PRIM2: variants seen among roughly 807,000 people sequenced by gnomAD.
PRIM2 encodes DNA primase large subunit.
In PRIM2, 39 loss-of-function variants were observed where a neutral mutation model predicts 67.3. The observed-to-expected ratio is 0.58, with a 90% CI of 0.45 to 0.76. PRIM2 has a LOEUF of 0.76. Ranked by LOEUF, PRIM2 falls within the 30% of genes least tolerant of loss-of-function variation. The pLI, the probability that PRIM2 is intolerant of heterozygous loss-of-function variation, is 0.00. For missense variants in PRIM2, 398 were observed against 598.7 expected (o/e 0.66, Z 3.50); for synonymous variants, 143 against 198.7 (o/e 0.72, Z 2.36).
chr6:57,617,797 C>T (rs1404878376), intron 12 of PRIM2, among the ~76,000 whole-genome samples: 1 of 152,104 alleles, frequency 6.6e-6, no homozygotes, highest in Non-Finnish European at 1.5e-5. Context: ...CTTTTAGTGT[C>T]ATAATTATCT....
chr6:57,266,884 T>TA, the PRIM2 span, among the ~76,000 whole-genome samples: 12 of 152,150 alleles, frequency 7.9e-5, no homozygotes, highest in East Asian at 1.9e-4. Flanking sequence ...TAAAAATAGT[T>TA]AAAAAAAGTT....
At position 57,380,121 on chromosome 6, in the gene PRIM2, A is replaced by C. The variant is rs566638572; in HGVS notation, c.555+125A>C. 9 of 718,604 alleles carry C rather than the reference A, an allele frequency of 1.3e-5. No homozygotes were observed. In the South Asian group the frequency reaches 1.6e-4, roughly 13 times the overall value. The allele number at this position is 718,604 out of a possible 1,614,324, so 44.5% of individuals were successfully genotyped here. A position where few individuals can be genotyped will look rare whatever the true frequency, so the allele number is the denominator to read the frequency against. ...CACAGCTACTCTGTCTCCTGCACAG[A>C]TACTGTCCTCATTGCACTAATGGTG... On this transcript the variant is annotated intron_variant, in intron 6 of 13. Coordinates refer to ENST00000615550, the MANE Select transcript of PRIM2 (RefSeq NM_000947.5).
the PRIM2 span, among the ~76,000 whole-genome samples, chr6:57,276,137 C>A: frequency 6.6e-6 from 1 of 152,094 alleles, no homozygotes; most frequent in African/African-American, 2.4e-5. Flanking sequence ...CACCTGTAAT[C>A]CCAGCACTTT....
intron 5 of PRIM2, among the ~76,000 whole-genome samples, chr6:57,346,355 C>T (rs957299707): frequency 3.9e-5 from 6 of 151,934 alleles, no homozygotes; most frequent in South Asian, 2.1e-4. Flanking sequence ...CTCACTCTGT[C>T]GCCCAGGCTG....
At chr6:57,472,065 T>G (rs1773347792) in intron 7 of PRIM2, among the ~76,000 whole-genome samples, 1 of 152,132 alleles carries the variant, frequency 6.6e-6, no homozygotes, top group Non-Finnish European at 1.5e-5. Context: ...TTGGAGTTAT[T>G]CAGAAGTCAG....
rs554754232 is a variant in PRIM2, at chr6:57,343,580, G to A, written c.459+17535G>A. On this transcript the variant is annotated intron_variant, in intron 5 of 13. Coordinates refer to ENST00000615550, the MANE Select transcript of PRIM2 (RefSeq NM_000947.5). ...GCTAGAGAACACATGTGTTTGATAA[G>A]CCTGGAAGCTTTTCACAGGGCTTCT... Among the ~76,000 whole-genome samples the A allele has an allele frequency of 1.1e-3, 167 of 152,220 alleles. 2 individuals carry two copies. Among genetic ancestry groups the A allele is most frequent in the Middle Eastern group, 6.8e-3 (2 of 294 alleles).
At chr6:57,573,693 G>A (rs1480301833) in intron 10 of PRIM2, among the ~76,000 whole-genome samples, 3 of 152,116 alleles carry the variant, frequency 2.0e-5, no homozygotes, top group Admixed American at 1.3e-4. Context: ...AAGTATCCAG[G>A]TAAAATGATA....
chr6:57,456,889 C>G, intron 7 of PRIM2, among the ~76,000 whole-genome samples: 1 of 152,282 alleles, frequency 6.6e-6, no homozygotes, highest in East Asian at 1.9e-4. Context: ...TCCAGTTTTT[C>G]TGCTCTGTTT....
chr6:57,444,684 A>G (rs1179826430), intron 7 of PRIM2, among the ~76,000 whole-genome samples: 3 of 152,218 alleles, frequency 2.0e-5, no homozygotes, highest in Non-Finnish European at 4.4e-5. Context: ...TTTGTTTTAC[A>G]AGGGCATTTT....
chr6:57,474,851 T>C (rs1169057213), intron 7 of PRIM2, among the ~76,000 whole-genome samples: 79,120 of 152,032 alleles, frequency 0.52, 21,870 homozygotes, highest in African/African-American at 0.71. Context: ...TGCTGTTCAG[T>C]CTTTTCTCCT....
chr6:57,250,159 T>G, the PRIM2 span, among the ~76,000 whole-genome samples: 1 of 152,192 alleles, frequency 6.6e-6, no homozygotes. Context: ...CTTGACTGGT[T>G]TTTCATTCCC....
intron 7 of PRIM2, among the ~76,000 whole-genome samples, chr6:57,424,666 G>C (rs1286440893): frequency 1.3e-5 from 2 of 152,152 alleles, no homozygotes; most frequent in Non-Finnish European, 2.9e-5. Context: ...TGTAATTTAA[G>C]GAGGATCATA....
At chr6:57,644,545 G>A (rs1445747016) in intron 13 of PRIM2, among the ~76,000 whole-genome samples, 1 of 152,186 alleles carries the variant, frequency 6.6e-6, no homozygotes, top group African/African-American at 2.4e-5. Context: ...ATAGTGAATA[G>A]TTTATAACAC....
At chr6:57,552,006 G>A (rs1775414212) in intron 10 of PRIM2, among the ~76,000 whole-genome samples, 1 of 152,132 alleles carries the variant, frequency 6.6e-6, no homozygotes, top group Non-Finnish European at 1.5e-5. Flanking sequence ...AACTGTCCAA[G>A]TGTACTCAGA....
intron 8 of PRIM2, among the ~76,000 whole-genome samples, chr6:57,525,929 G>A (rs1774741411): frequency 6.6e-6 from 1 of 152,190 alleles, no homozygotes; most frequent in Non-Finnish European, 1.5e-5. Flanking sequence ...CTGAAGGTGT[G>A]TGTGTGGTGT....
chr6:57,397,523 A>AT (rs930737779), intron 7 of PRIM2, among the ~76,000 whole-genome samples: 10 of 151,664 alleles, frequency 6.6e-5, no homozygotes, highest in Non-Finnish European at 8.8e-5. Context: ...TGAATTTTTG[A>AT]TTTTTTTTCT....
intron 7 of PRIM2, among the ~76,000 whole-genome samples, chr6:57,390,436 C>T (rs1305716561): frequency 6.6e-6 from 1 of 152,000 alleles, no homozygotes; most frequent in Non-Finnish European, 1.5e-5. Flanking sequence ...AGGTTTGTTA[C>T]ATAGGTAAAC....
chr6:57,595,709 A>G (rs1776353943), intron 10 of PRIM2, among the ~76,000 whole-genome samples: 1 of 152,204 alleles, frequency 6.6e-6, no homozygotes, highest in Non-Finnish European at 1.5e-5. Flanking sequence ...GAACAGCCAA[A>G]GAAGTACTCT....
intron 12 of PRIM2, among the ~76,000 whole-genome samples, chr6:57,619,155 A>G (rs1278701494): frequency 6.6e-6 from 1 of 152,196 alleles, no homozygotes; most frequent in African/African-American, 2.4e-5. Context: ...GGATGGTTAA[A>G]CCCAGAAGAG....
Sources: allele counts gnomAD v4.1 joint callset (sites outside exome capture counted in the v4.1 genomes callset), GRCh38; gene constraint gnomAD v4.1.1; transcripts MANE v1.5; gene names NCBI Gene and HGNC (gene_info 2026-07-23, HGNC 2026-07-21).